Variants in PHC2 observed in about 807,000 individuals in gnomAD.
PHC2 encodes the protein polyhomeotic homolog 2, also known as polyhomeotic-like protein 2.
PHC2 carries 29 observed loss-of-function variants against 87.4 expected under a neutral mutation model. The observed-to-expected ratio is 0.33, with a 90% CI of 0.25 to 0.45. PHC2 has a LOEUF of 0.45. Ranked by LOEUF, PHC2 falls within the 20% of genes least tolerant of loss-of-function variation. The pLI, the probability that PHC2 is intolerant of heterozygous loss-of-function variation, is 1.00. For missense variants in PHC2, 857 were observed against 1,136.7 expected (o/e 0.75, Z 3.54); for synonymous variants, 438 against 461.7 (o/e 0.95, Z 0.66).
rs187386484 is a variant in PHC2 at position 33,366,984 on chromosome 1, G to A, written c.976+132C>T. 84 of 807,048 alleles carry A rather than the reference G, an allele frequency of 1.0e-4. No individual in the cohort carries two copies. The African/African-American group carries it at 1.3e-3, about 12-fold the overall frequency. The allele number at this position is 807,048 out of a possible 1,614,324, so 50.0% of individuals were successfully genotyped here. ...AGGAGCTGATGGACATTTTGAGATA[G>A]GGAGGGAGGAGAGAGAGATCCATGG... On this transcript the variant is annotated intron_variant, in intron 7 of 14. Transcript: ENST00000683057.
At chr1:33,407,460 T>A (rs1649812394) in intron 1 of PHC2, among the ~76,000 whole-genome samples, 1 of 152,212 alleles carries the variant, frequency 6.6e-6, no homozygotes, top group Admixed American at 6.5e-5. Context: ...ACCATCCTAG[T>A]CTATCTATGT....
In PHC2 at chr1:33,371,450, C is replaced by T. The variant is rs189375732; in HGVS notation, c.334-356G>A. Among the ~76,000 whole-genome samples, 267 of 152,222 alleles carry T rather than the reference C, an allele frequency of 1.8e-3. 2 individuals carry two copies. The highest frequency in any genetic ancestry group is 3.2e-3 in the Non-Finnish European group (220 of 67,988). On this transcript the variant is annotated intron_variant, in intron 3 of 14. Coordinates refer to ENST00000683057, the MANE Select transcript of PHC2 (RefSeq NM_001385109.1). ...CAGCCACCACCATCACACCTGGCCA[C>T]CACCATCACACCCAGCCACCACCAT...
chr1:33,346,261 G>C, intron 9 of PHC2: 1 of 985,262 alleles, frequency 1.0e-6, no homozygotes, highest in South Asian at 4.7e-5. Context: ...GGCTCAGAGG[G>C]GCACCTCACT....
chr1:33,329,291 C>A (rs1169473774), intron 13 of PHC2, 145 bp from the exon 14 acceptor site: 1 of 736,058 alleles, frequency 1.4e-6, no homozygotes. Flanking sequence ...CCATGCTGTC[C>A]TGTCTCCTAC....
At chr1:33,380,295 GA>G (rs1332233756) in intron 1 of PHC2, among the ~76,000 whole-genome samples, 1 of 152,180 alleles carries the variant, frequency 6.6e-6, no homozygotes, top group Non-Finnish European at 1.5e-5. Flanking sequence ...ACCCAAAACA[GA>G]AACTCTGTAA....
chr1:33,400,015 A>G, intron 1 of PHC2, among the ~76,000 whole-genome samples: 1 of 152,054 alleles, frequency 6.6e-6, no homozygotes, highest in East Asian at 1.9e-4. Context: ...ATGAGCAAGT[A>G]GTTCATTATT....
intron 9 of PHC2, among the ~76,000 whole-genome samples, chr1:33,353,871 C>T (rs1303593347): frequency 2.0e-5 from 3 of 152,170 alleles, no homozygotes; most frequent in African/African-American, 4.8e-5. Flanking sequence ...GGGAGAAGTC[C>T]ACTTGTAACT....
In PHC2 at chr1:33,419,772, G is replaced by T. The variant is rs1570515966; in HGVS notation, c.-55+11204C>A. Reference sequence around the variant, plus strand: ...CTATAGGCGCCCGCTACCACGCCCGGCTAATTTTTTGTATTTTTAGTAGAG... The same window carrying T: ...CTATAGGCGCCCGCTACCACGCCCGTCTAATTTTTTGTATTTTTAGTAGAG... On this transcript the variant is annotated intron_variant, in intron 1 of 14. Coordinates refer to ENST00000683057, the MANE Select transcript of PHC2 (RefSeq NM_001385109.1). Among the ~76,000 whole-genome samples the T allele has an allele frequency of 5.3e-5, 8 of 152,200 alleles. No individual in the cohort carries two copies. In the South Asian group the frequency reaches 1.7e-3, roughly 32 times the overall value.
chr1:33,421,309 G>C (rs916997440), intron 1 of PHC2, among the ~76,000 whole-genome samples: 1 of 152,100 alleles, frequency 6.6e-6, no homozygotes, highest in Non-Finnish European at 1.5e-5. Flanking sequence ...AGCTAGTAAA[G>C]GACAGGAAGT....
intron 1 of PHC2, among the ~76,000 whole-genome samples, chr1:33,385,147 T>C (rs1408503780): frequency 6.6e-6 from 1 of 152,086 alleles, no homozygotes; most frequent in Non-Finnish European, 1.5e-5. Context: ...GGGACTGTGG[T>C]CACTGCAAAA....
chr1:33,401,789 G>A (rs1364520610), intron 1 of PHC2, among the ~76,000 whole-genome samples: 1 of 152,072 alleles, frequency 6.6e-6, no homozygotes, highest in Non-Finnish European at 1.5e-5. Flanking sequence ...TAAACAGTAT[G>A]GGAAAACCAG....
At chr1:33,360,966 G>A (rs1382652321) in intron 7 of PHC2, among the ~76,000 whole-genome samples, 4 of 152,202 alleles carry the variant, frequency 2.6e-5, no homozygotes, top group South Asian at 2.1e-4. Flanking sequence ...CAGTAAGGAC[G>A]AGCGAGTACC....
intron 7 of PHC2, among the ~76,000 whole-genome samples, chr1:33,363,526 C>A (rs546830993): frequency 6.6e-6 from 1 of 152,194 alleles, no homozygotes; most frequent in Non-Finnish European, 1.5e-5. Flanking sequence ...GCCCCCTGCA[C>A]AAAACGCTCT....
chr1:33,347,333 T>C (rs1646862859), intron 9 of PHC2: 1 of 985,378 alleles, frequency 1.0e-6, no homozygotes, highest in Non-Finnish European at 1.2e-6. Flanking sequence ...GCTGATGAGA[T>C]GATGAGACCC....
chr1:33,362,126 G>T (rs1647208150), intron 7 of PHC2, among the ~76,000 whole-genome samples: 1 of 152,172 alleles, frequency 6.6e-6, no homozygotes, highest in Admixed American at 6.5e-5. Context: ...AACCTCTCTG[G>T]ATTTAGACTT....
At chr1:33,401,585 T>C (rs1009901078) in intron 1 of PHC2, among the ~76,000 whole-genome samples, 1 of 152,226 alleles carries the variant, frequency 6.6e-6, no homozygotes, top group African/African-American at 2.4e-5. Context: ...GGAGTATTTA[T>C]ACCATGGAAA....
intron 9 of PHC2, among the ~76,000 whole-genome samples, chr1:33,338,605 T>G (rs867998127): frequency 6.6e-6 from 1 of 152,242 alleles, no homozygotes; most frequent in Non-Finnish European, 1.5e-5. Flanking sequence ...TCTCCCAGAC[T>G]GCTTTGCGGC....
chr1:33,362,765 C>G (rs55754029), intron 7 of PHC2, among the ~76,000 whole-genome samples: 2 of 151,448 alleles, frequency 1.3e-5, no homozygotes, highest in African/African-American at 2.4e-5. Context: ...GAAACTTAAT[C>G]ATGTTTCAAA....
At chr1:33,414,633 T>G (rs1256072285) in intron 1 of PHC2, among the ~76,000 whole-genome samples, 1 of 152,198 alleles carries the variant, frequency 6.6e-6, no homozygotes, top group Non-Finnish European at 1.5e-5. Flanking sequence ...TGCCTTAGCC[T>G]TATTTTGAAA....
Sources: gnomAD v4.1 joint callset for allele counts (sites outside exome capture counted in the v4.1 genomes callset) on GRCh38, gnomAD v4.1.1 for gene constraint, MANE v1.5 for transcripts, NCBI Gene and HGNC (gene_info 2026-07-23, HGNC 2026-07-21) for gene names.